The following SLIT2 variants were observed in gnomAD, a reference collection of about 807,000 sequenced individuals.
The protein encoded by SLIT2 is slit homolog 2 protein.
SLIT2 carries 41 observed loss-of-function variants against 185.7 expected under a neutral mutation model. The ratio of observed to expected loss-of-function variants is 0.22; its 90% CI spans 0.17 to 0.29. The LOEUF is 0.29. Ranked by LOEUF, SLIT2 falls within the 10% of genes least tolerant of loss-of-function variation. The pLI, the probability that SLIT2 is intolerant of heterozygous loss-of-function variation, is 1.00. For synonymous variants in SLIT2, 693 were observed against 680.2 expected (o/e 1.02, Z -0.29); for missense variants, 1,571 against 1,909.0 (o/e 0.82, Z 3.30).
chr4:20,597,251 A>G (rs1484193820), intron 32 of SLIT2, among the ~76,000 whole-genome samples: 1 of 152,012 alleles, frequency 6.6e-6, no homozygotes, highest in Non-Finnish European at 1.5e-5. Context: ...TATTTTTGAT[A>G]GAGACAGGGT....
chr4:20,427,339 T>C (rs188375752), intron 4 of SLIT2, among the ~76,000 whole-genome samples: 1 of 152,346 alleles, frequency 6.6e-6, no homozygotes, highest in East Asian at 1.9e-4. Context: ...AATGTACATA[T>C]ACATGTCCTG....
intron 4 of SLIT2, among the ~76,000 whole-genome samples, chr4:20,419,963 A>G (rs529487696): frequency 6.6e-6 from 1 of 152,136 alleles, no homozygotes; most frequent in Non-Finnish European, 1.5e-5. Context: ...TGGAACATTA[A>G]CATGGCTCAT....
At chr4:20,549,750 T>A (rs1312708326) in intron 24 of SLIT2, among the ~76,000 whole-genome samples, 2 of 151,500 alleles carry the variant, frequency 1.3e-5, no homozygotes, top group African/African-American at 2.4e-5. Flanking sequence ...TGAATAAAAA[T>A]ATATATATAA....
intron 9 of SLIT2, 65 bp from the exon 10 acceptor site, chr4:20,510,430 G>A: frequency 3.0e-6 from 3 of 1,004,492 alleles, no homozygotes; most frequent in South Asian, 1.3e-5. Flanking sequence ...TGAATCCTGA[G>A]CTTGAATTAA....
chr4:20,354,672 AAT>A (rs1049212895), intron 4 of SLIT2, among the ~76,000 whole-genome samples: 8 of 152,142 alleles, frequency 5.3e-5, no homozygotes, highest in African/African-American at 1.9e-4. Flanking sequence ...GCATGCTATA[AAT>A]GTCTTTACTC....
chr4:20,329,505 C>G (rs904234948), intron 4 of SLIT2, among the ~76,000 whole-genome samples: 1 of 151,884 alleles, frequency 6.6e-6, no homozygotes, highest in African/African-American at 2.4e-5. Flanking sequence ...TGTATACTAT[C>G]TAGAAGTCTT....
intron 4 of SLIT2, among the ~76,000 whole-genome samples, chr4:20,306,299 C>T (rs13140329): frequency 0.27 from 40,804 of 151,988 alleles, 5,942 homozygotes; most frequent in Middle Eastern, 0.37. Flanking sequence ...TTGATCATTA[C>T]GTTTCCTGTT....
intron 4 of SLIT2, among the ~76,000 whole-genome samples, chr4:20,280,833 G>GTT (rs34477780): frequency 2.8e-4 from 36 of 130,614 alleles, no homozygotes; most frequent in Middle Eastern, 4.0e-3. Flanking sequence ...TTAAAAAAAT[G>GTT]TTTTTTTTTT....
chr4:20,338,600 A>G (rs1328390320), intron 4 of SLIT2, among the ~76,000 whole-genome samples: 4 of 152,210 alleles, frequency 2.6e-5, no homozygotes, highest in African/African-American at 9.7e-5. Context: ...CAAACAGTGA[A>G]GCTTATTTTG....
chr4:20,617,283 G>T, intron 35 of SLIT2, 85 bp downstream of exon 35: 1 of 1,321,468 alleles, frequency 7.6e-7, no homozygotes, highest in Non-Finnish European at 1.1e-6. Flanking sequence ...AGAAGGGGAG[G>T]GGACGGGAAG....
chr4:20,331,119 A>T (rs1329283978), intron 4 of SLIT2, among the ~76,000 whole-genome samples: 1 of 152,154 alleles, frequency 6.6e-6, no homozygotes, highest in African/African-American at 2.4e-5. Context: ...ATTAGAGGAA[A>T]TGTCCTGTTG....
intron 3 of SLIT2, among the ~76,000 whole-genome samples, chr4:20,267,900 C>T (rs1214591406): frequency 6.6e-6 from 1 of 151,900 alleles, no homozygotes; most frequent in Non-Finnish European, 1.5e-5. Flanking sequence ...TCCTCTCGAG[C>T]TAGGCAGCTT....
In SLIT2 at chr4:20,569,743, A is replaced by C. The variant is rs1300934577; in HGVS notation, c.3088+739A>C. 2.0e-5 allele frequency among the ~76,000 whole-genome samples: 3 copies of C among 152,074 alleles called. No homozygotes were observed. In the East Asian group the frequency reaches 5.8e-4, roughly 29 times the overall value. On this transcript the variant is annotated intron_variant, in intron 29 of 36. Coordinates refer to ENST00000504154, the MANE Select transcript of SLIT2 (RefSeq NM_004787.4). ...AACATTGACAAAGGAAAAACAAGAA[A>C]GTTGTACATTTTATTTGTAAGAAAA...
intron 26 of SLIT2, among the ~76,000 whole-genome samples, chr4:20,561,541 A>G (rs547257103): frequency 1.1e-4 from 17 of 151,908 alleles, no homozygotes; most frequent in Admixed American, 2.0e-4. Context: ...ACCTAAAGCA[A>G]TGAAAAATTC....
rs149183837 is a variant in SLIT2, at chr4:20,320,431, C to T, written c.395+51550C>T. On this transcript the variant is annotated intron_variant, in intron 4 of 36. Coordinates refer to ENST00000504154, the MANE Select transcript of SLIT2 (RefSeq NM_004787.4). The stretch of plus-strand genomic sequence containing the variant: ...TCTAAGTTATTCAACTTATTCTGAG[C>T]CCCAGCCTCCTTAGATGTAAAATGC... 6.0e-4 allele frequency among the ~76,000 whole-genome samples: 92 copies of T among 152,224 alleles called. 1 individual carries two copies. Among genetic ancestry groups the T allele is most frequent in the South Asian group, 1.5e-3 (7 of 4,826 alleles).
Position 20,581,032 on chromosome 4 carries a change from G to A in SLIT2, c.3089-8612G>A, listed in dbSNP as rs551361937. 1.6e-3 allele frequency among the ~76,000 whole-genome samples: 237 copies of A among 152,322 alleles called. 2 individuals are homozygous for A. Among genetic ancestry groups the A allele is most frequent in the Middle Eastern group, 6.8e-3 (2 of 294 alleles). ...CCCGCTGTAAACTTCCAGTGATTTG[G>A]AATTTACTACCTGTATTGTTTTGCT... On this transcript the variant is annotated intron_variant, in intron 29 of 36. Transcript: ENST00000504154.
intron 4 of SLIT2, among the ~76,000 whole-genome samples, chr4:20,273,995 T>G (rs1713908950): frequency 6.6e-6 from 1 of 152,190 alleles, no homozygotes; most frequent in Admixed American, 6.6e-5. Flanking sequence ...ACATCATTAC[T>G]CATCTAGCGC....
intron 4 of SLIT2, among the ~76,000 whole-genome samples, chr4:20,305,745 C>T (rs1339307149): frequency 4.6e-5 from 7 of 151,554 alleles, no homozygotes; most frequent in Non-Finnish European, 8.8e-5. Flanking sequence ...TGGTGGCGCT[C>T]AACTGTAATC....
At chr4:20,436,125 T>A (rs1255608320) in intron 4 of SLIT2, among the ~76,000 whole-genome samples, 1 of 152,206 alleles carries the variant, frequency 6.6e-6, no homozygotes, top group Non-Finnish European at 1.5e-5. Flanking sequence ...AAGACAAAAG[T>A]CCAGATGTTG....
Sources: gnomAD v4.1 joint callset for allele counts (sites outside exome capture counted in the v4.1 genomes callset) on GRCh38, gnomAD v4.1.1 for gene constraint, MANE v1.5 for transcripts, NCBI Gene and HGNC (gene_info 2026-07-23, HGNC 2026-07-21) for gene names.